The following NCOA1 variants were observed in gnomAD, a reference collection of about 807,000 sequenced individuals.
NCOA1 encodes Hin-2 protein.
In NCOA1, 35 loss-of-function variants were observed where a neutral mutation model predicts 150.9. That is an observed-to-expected ratio of 0.23 (90% confidence interval 0.18 to 0.31). NCOA1 has a LOEUF of 0.31. Among genes scored for constraint, NCOA1 ranks in the 10% least tolerant of loss-of-function variants. The pLI, the probability that NCOA1 is intolerant of heterozygous loss-of-function variation, is 1.00. For missense variants in NCOA1, 1,491 were observed against 1,749.3 expected, an observed-to-expected ratio of 0.85 and a Z score of 2.63; for synonymous variants, 590 against 630.0, an observed-to-expected ratio of 0.94 and a Z score of 0.95.
intron 9 of NCOA1, among the ~76,000 whole-genome samples, chr2:24,692,837 A>G (rs1672725627): frequency 2.6e-5 from 4 of 152,184 alleles, no homozygotes. Flanking sequence ...ATTATGCAAT[A>G]TTATGTCAGG....
intron 11 of NCOA1, among the ~76,000 whole-genome samples, chr2:24,701,607 A>G (rs182740767): frequency 1.8e-4 from 28 of 152,322 alleles, no homozygotes; most frequent in East Asian, 1.2e-3. Context: ...AAAATTAACA[A>G]AATTTTAACT....
intron 1 of NCOA1, among the ~76,000 whole-genome samples, chr2:24,541,792 A>G (rs746172310): frequency 3.3e-5 from 5 of 152,204 alleles, no homozygotes; most frequent in Non-Finnish European, 7.3e-5. Flanking sequence ...ATTCATAGGA[A>G]TAAGACTCAG....
chr2:24,627,788 A>T (rs1186280758), intron 3 of NCOA1, among the ~76,000 whole-genome samples: 1 of 152,218 alleles, frequency 6.6e-6, no homozygotes, highest in Non-Finnish European at 1.5e-5. Context: ...TTTAGGTGTT[A>T]GGTTTAATTT....
chr2:24,623,136 A>G (rs1359777645), intron 3 of NCOA1, among the ~76,000 whole-genome samples: 1 of 152,228 alleles, frequency 6.6e-6, no homozygotes, highest in Non-Finnish European at 1.5e-5. Flanking sequence ...GTCAAAGAGA[A>G]AAGTGACTAA....
intron 3 of NCOA1, among the ~76,000 whole-genome samples, chr2:24,643,035 A>G (rs1267484041): frequency 1.3e-5 from 2 of 152,202 alleles, no homozygotes; most frequent in African/African-American, 4.8e-5. Context: ...GTGAATCTCA[A>G]TTGTGGTGTA....
chr2:24,697,883 A>C, intron 11 of NCOA1, 85 bp downstream of exon 11: 1 of 1,342,108 alleles, frequency 7.5e-7, no homozygotes, highest in Non-Finnish European at 1.0e-6. Flanking sequence ...TGGCTTGATA[A>C]GTATTTTCTC....
At chr2:24,573,337 A>G (rs1003103298) in intron 2 of NCOA1, among the ~76,000 whole-genome samples, 3 of 152,294 alleles carry the variant, frequency 2.0e-5, no homozygotes, top group East Asian at 1.9e-4. Context: ...CTAAATAGCT[A>G]TTAAAGTTTT....
intron 3 of NCOA1, among the ~76,000 whole-genome samples, chr2:24,591,979 G>T (rs189808091): frequency 6.6e-6 from 1 of 152,102 alleles, no homozygotes; most frequent in African/African-American, 2.4e-5. Flanking sequence ...TTGCAATCAT[G>T]TATTTAATGT....
chr2:24,702,640 G>C (rs760053179), intron 11 of NCOA1, among the ~76,000 whole-genome samples: 1 of 152,122 alleles, frequency 6.6e-6, no homozygotes, highest in African/African-American at 2.4e-5. Flanking sequence ...CATGTTAAAG[G>C]TTCTTTGGAA....
intron 3 of NCOA1, among the ~76,000 whole-genome samples, chr2:24,589,864 G>A (rs1667580161): frequency 6.6e-6 from 1 of 152,130 alleles, no homozygotes. Flanking sequence ...TGCATCTTCT[G>A]TCTCTGTCTC....
chr2:24,693,131 G>A, intron 9 of NCOA1, 121 bp from the exon 10 acceptor site: 1 of 883,686 alleles, frequency 1.1e-6, no homozygotes, highest in East Asian at 2.5e-5. Flanking sequence ...TGGGATTACA[G>A]GCGTGAGCCA....
chr2:24,541,359 C>T (rs1446750164), intron 1 of NCOA1, among the ~76,000 whole-genome samples: 1 of 152,094 alleles, frequency 6.6e-6, no homozygotes, highest in Admixed American at 6.5e-5. Flanking sequence ...TCAGCAGTGC[C>T]AGATTACCAA....
rs530645429 is a variant in NCOA1, at chr2:24,634,708, A to ACCCCCCCCC, written c.-174-9252_-174-9244dup. On this transcript the variant is annotated intron_variant, in intron 3 of 22. Transcript: ENST00000348332. ...CCTACCCTGGATTCCTAGGGGAGGA[A>ACCCCCCCCC]CCCCCCCCCCCCCCGCCCCCGGAGA... is the stretch of plus-strand genomic sequence containing the variant. Among the ~76,000 whole-genome samples the ACCCCCCCCC allele has an allele frequency of 1.2e-3, 49 of 39,714 alleles. 1 individual carries two copies. The highest frequency in any genetic ancestry group is 2.0e-3 in the African/African-American group (17 of 8,662). The allele number at this position is 39,714 out of a possible 152,430, so 26.1% of individuals were successfully genotyped here. A position where few individuals can be genotyped will look rare whatever the true frequency, so the allele number is the denominator to read the frequency against.
At chr2:24,677,118 C>T (rs1247117021) in intron 7 of NCOA1, among the ~76,000 whole-genome samples, 2 of 151,942 alleles carry the variant, frequency 1.3e-5, no homozygotes, top group East Asian at 1.9e-4. Flanking sequence ...CCACGGCAGG[C>T]GGATCACTTG....
intron 1 of NCOA1, among the ~76,000 whole-genome samples, chr2:24,500,465 A>C (rs11688818): frequency 3.3e-5 from 5 of 152,070 alleles, no homozygotes; most frequent in Non-Finnish European, 5.9e-5. Flanking sequence ...AGGTCTGTGA[A>C]GATGTTTCTT....
intron 3 of NCOA1, among the ~76,000 whole-genome samples, chr2:24,599,059 A>G (rs565077847): frequency 3.3e-5 from 5 of 152,230 alleles, no homozygotes; most frequent in Non-Finnish European, 7.3e-5. Flanking sequence ...GAGAGAATTG[A>G]CAGAACTTTG....
intron 1 of NCOA1, among the ~76,000 whole-genome samples, chr2:24,547,340 CG>C (rs1055656366): frequency 6.6e-6 from 1 of 152,016 alleles, no homozygotes; most frequent in Non-Finnish European, 1.5e-5. Flanking sequence ...ACTATATATT[CG>C]TCTTGTCATT....
intron 1 of NCOA1, among the ~76,000 whole-genome samples, chr2:24,514,986 A>G (rs1321644058): frequency 1.3e-5 from 2 of 152,160 alleles, no homozygotes; most frequent in African/African-American, 4.8e-5. Context: ...TTAAGAAGCA[A>G]GTGTGTGAGC....
chr2:24,581,444 G>A (rs1667190308), intron 2 of NCOA1, among the ~76,000 whole-genome samples: 6 of 152,218 alleles, frequency 3.9e-5, no homozygotes, highest in Admixed American at 3.9e-4. Context: ...GGGAGTGGGA[G>A]CTACAGGCAC....
Sources: gnomAD v4.1 joint callset for allele counts (sites outside exome capture counted in the v4.1 genomes callset) on GRCh38, gnomAD v4.1.1 for gene constraint, MANE v1.5 for transcripts, NCBI Gene and HGNC (gene_info 2026-07-23, HGNC 2026-07-21) for gene names.